GALNT10: variants seen among roughly 807,000 people sequenced by gnomAD.
GALNT10 encodes the protein polypeptide N-acetylgalactosaminyltransferase 10.
A neutral mutation model predicts 75.0 loss-of-function variants in GALNT10; 41 were observed. That is an observed-to-expected ratio of 0.55 (90% CI 0.43 to 0.71). The LOEUF is 0.71. Ranked by LOEUF, GALNT10 falls within the 30% of genes least tolerant of loss-of-function variation. The pLI, the probability that GALNT10 is intolerant of heterozygous loss-of-function variation, is 0.00. For missense variants in GALNT10, 727 were observed against 818.5 expected (o/e 0.89, Z 1.36); for synonymous variants, 302 against 313.0 (o/e 0.96, Z 0.37).
intron 7 of GALNT10, among the ~76,000 whole-genome samples, chr5:154,391,809 G>A (rs1285116673): frequency 1.3e-5 from 2 of 152,198 alleles, no homozygotes; most frequent in African/African-American, 4.8e-5. Flanking sequence ...TATTTCATCT[G>A]AGTTGGCTTC....
chr5:154,374,920 A>G (rs1286086730), intron 4 of GALNT10, among the ~76,000 whole-genome samples: 1 of 152,212 alleles, frequency 6.6e-6, no homozygotes. Flanking sequence ...TTTAATTATT[A>G]GCTCTTTATT....
chr5:154,393,965 A>C (rs535702846), intron 7 of GALNT10, among the ~76,000 whole-genome samples: 1 of 152,352 alleles, frequency 6.6e-6, no homozygotes, highest in Admixed American at 6.5e-5. Flanking sequence ...ATTCTGCACA[A>C]GTCAGCAGTG....
chr5:154,325,898 G>A (rs1372535794), intron 3 of GALNT10, among the ~76,000 whole-genome samples: 1 of 152,036 alleles, frequency 6.6e-6, no homozygotes, highest in Non-Finnish European at 1.5e-5. Flanking sequence ...GACATAAAAA[G>A]TCATCTATAT....
At chr5:154,226,102 G>A (rs1753060692) in intron 1 of GALNT10, among the ~76,000 whole-genome samples, 1 of 151,266 alleles carries the variant, frequency 6.6e-6, no homozygotes, top group Non-Finnish European at 1.5e-5. Context: ...CCTGCGTATT[G>A]TGCACATGTA....
rs1249414945 is a variant in GALNT10 at position 154,418,560 on chromosome 5, T to C, written c.*1588T>C. The C allele has an allele frequency of 6.6e-6, 1 of 152,208 alleles. No individual in the cohort carries two copies. The highest frequency in any genetic ancestry group is 1.5e-5 in the Non-Finnish European group (1 of 68,036). The allele number at this position is 152,208 out of a possible 1,614,324, so 9.4% of individuals were successfully genotyped here. ...ATTAGTGTTGAGTCTCTTGATTGTG[T>C]CATTTACCAATTAAATAACTGAGAC... On this transcript the variant is annotated 3_prime_UTR_variant, in exon 12 of 12. Transcript: ENST00000297107.
intron 1 of GALNT10, among the ~76,000 whole-genome samples, chr5:154,200,161 G>A (rs1055900899): frequency 2.0e-5 from 3 of 152,122 alleles, no homozygotes; most frequent in African/African-American, 7.2e-5. Flanking sequence ...CATGAGCCTG[G>A]TTCTTGTTGT....
intron 1 of GALNT10, among the ~76,000 whole-genome samples, chr5:154,291,389 T>C (rs992454171): frequency 6.6e-6 from 1 of 152,170 alleles, no homozygotes; most frequent in Non-Finnish European, 1.5e-5. Context: ...TGGGTTCTTG[T>C]TAGAAATGCA....
intron 1 of GALNT10, among the ~76,000 whole-genome samples, chr5:154,265,356 C>T (rs906230599): frequency 6.6e-6 from 1 of 152,140 alleles, no homozygotes. Context: ...TCTTCAATTT[C>T]CTGATGCTGA....
At chr5:154,366,980 G>C (rs1328561548) in intron 4 of GALNT10, among the ~76,000 whole-genome samples, 1 of 152,170 alleles carries the variant, frequency 6.6e-6, no homozygotes, top group Non-Finnish European at 1.5e-5. Flanking sequence ...TAGGTTCCAG[G>C]CTGTGCCCTA....
intron 4 of GALNT10, among the ~76,000 whole-genome samples, chr5:154,374,191 G>T (rs536593802): frequency 9.9e-5 from 15 of 152,174 alleles, no homozygotes; most frequent in Non-Finnish European, 2.1e-4. Flanking sequence ...AGGGCAAATT[G>T]ATTTCTGCTT....
At chr5:154,399,400 G>A (rs1561683142) in intron 7 of GALNT10, among the ~76,000 whole-genome samples, 1 of 152,172 alleles carries the variant, frequency 6.6e-6, no homozygotes, top group Non-Finnish European at 1.5e-5. Context: ...CAAGAGGGAG[G>A]TGAGCAAGCC....
Position 154,418,391 on chromosome 5 carries a change from T to C in GALNT10, c.*1419T>C, listed in dbSNP as rs1395821007. The C allele has an allele frequency of 1.3e-5, 2 of 152,342 alleles. No individual in the cohort carries two copies. Among genetic ancestry groups the C allele is most frequent in the African/African-American group, 2.4e-5 (1 of 41,574 alleles). 9.4% of individuals were successfully genotyped at this position (152,342 alleles called of 1,614,324 possible). Reference sequence around the variant, plus strand: ...TTTACCTTTTGCTTTGTTAATTACATGTCAGACTCCTAGAGGGCCTCCAGA... The same window carrying C: ...TTTACCTTTTGCTTTGTTAATTACACGTCAGACTCCTAGAGGGCCTCCAGA... On this transcript the variant is annotated 3_prime_UTR_variant, in exon 12 of 12. Coordinates refer to ENST00000297107, the MANE Select transcript of GALNT10 (RefSeq NM_198321.4).
chr5:154,393,457 C>T (rs767147008), intron 7 of GALNT10, among the ~76,000 whole-genome samples: 11 of 152,148 alleles, frequency 7.2e-5, no homozygotes, highest in South Asian at 2.1e-4. Context: ...AAAGTACAGC[C>T]GTCTCTTTCT....
At chr5:154,389,488 A>T (rs1755861571) in intron 7 of GALNT10, 1 of 151,816 alleles carries the variant, frequency 6.6e-6, no homozygotes, top group Non-Finnish European at 1.5e-5. Flanking sequence ...AGGTGGAGAC[A>T]GGAGAATTGC....
chr5:154,291,960 T>C (rs1047131082), intron 1 of GALNT10, among the ~76,000 whole-genome samples: 5 of 152,168 alleles, frequency 3.3e-5, no homozygotes, highest in African/African-American at 1.2e-4. Flanking sequence ...AGTACTGGCA[T>C]GTCTTTTAGG....
chr5:154,278,022 G>C (rs1753976787), intron 1 of GALNT10, among the ~76,000 whole-genome samples: 1 of 152,210 alleles, frequency 6.6e-6, no homozygotes, highest in Non-Finnish European at 1.5e-5. Context: ...TGTTTTAGGT[G>C]AATGGATAGA....
At chr5:154,318,444 A>AAT (rs5872371) in intron 3 of GALNT10, among the ~76,000 whole-genome samples, 35 of 150,154 alleles carry the variant, frequency 2.3e-4, no homozygotes, top group East Asian at 1.6e-3. Context: ...ATAAAATACT[A>AAT]ATATATATAT....
At chr5:154,397,658 A>G (rs6580075) in intron 7 of GALNT10, among the ~76,000 whole-genome samples, 67,895 of 152,112 alleles carry the variant, frequency 0.45, 17,659 homozygotes, top group African/African-American at 0.71. Flanking sequence ...AATTATTAGT[A>G]TAGTCTTTCC....
intron 1 of GALNT10, among the ~76,000 whole-genome samples, chr5:154,214,695 G>A (rs1752839396): frequency 6.6e-6 from 1 of 152,194 alleles, no homozygotes; most frequent in South Asian, 2.1e-4. Context: ...GTGACGGGAA[G>A]GGATTCAGTC....
Sources: gnomAD v4.1 joint callset for allele counts (sites outside exome capture counted in the v4.1 genomes callset) on GRCh38, gnomAD v4.1.1 for gene constraint, MANE v1.5 for transcripts, NCBI Gene and HGNC (gene_info 2026-07-23, HGNC 2026-07-21) for gene names.